RALYL: variants seen among roughly 807,000 people sequenced by gnomAD.
RALYL encodes RNA-binding Raly-like protein.
In RALYL, 29 loss-of-function variants were observed where a neutral mutation model predicts 35.1. The observed-to-expected ratio is 0.83, with a 90% CI of 0.61 to 1.13. The LOEUF (loss-of-function observed/expected upper bound fraction) is 1.13, where lower values mean the gene tolerates loss of function less well. RALYL is among the 50% of genes most tolerant of loss of function. The pLI is 0.00. For synonymous variants in RALYL, 120 were observed against 127.6 expected, an observed-to-expected ratio of 0.94 and a Z score of 0.40; for missense variants, 359 against 360.4, an observed-to-expected ratio of 1.00 and a Z score of 0.03.
At chr8:84,711,336 C>T (rs902201723) in intron 2 of RALYL, among the ~76,000 whole-genome samples, 2 of 152,068 alleles carry the variant, frequency 1.3e-5, no homozygotes, top group East Asian at 3.9e-4. Flanking sequence ...TTCTAAGTGA[C>T]TTGTGCAATA....
intron 1 of RALYL, among the ~76,000 whole-genome samples, chr8:84,216,668 C>A (rs1168988047): frequency 6.6e-6 from 1 of 152,132 alleles, no homozygotes; most frequent in Non-Finnish European, 1.5e-5. Flanking sequence ...ACAGAATTTT[C>A]TTCACTGAGG....
intron 1 of RALYL, among the ~76,000 whole-genome samples, chr8:84,509,698 G>T (rs574225465): frequency 6.6e-6 from 1 of 152,128 alleles, no homozygotes; most frequent in East Asian, 1.9e-4. Flanking sequence ...TTTTATAAAG[G>T]GTGTAAAGTG....
At position 84,396,189 on chromosome 8, in the gene RALYL, T is replaced by A. The variant is rs112672844; in HGVS notation, c.-23-133110T>A. Among the ~76,000 whole-genome samples, 629 of 152,158 alleles carry A rather than the reference T, an allele frequency of 4.1e-3. 2 individuals carry two copies. The highest frequency in any genetic ancestry group is 4.7e-3 in the Non-Finnish European group (317 of 67,920). Reference sequence around the variant, plus strand: ...ATCCAGATTAGGTCCTAGATCAGGATGCTTTTGAATTAACTTGAAATAAGA... The same window carrying A: ...ATCCAGATTAGGTCCTAGATCAGGAAGCTTTTGAATTAACTTGAAATAAGA... On this transcript the variant is annotated intron_variant, in intron 1 of 8. Coordinates refer to ENST00000521268, the MANE Select transcript of RALYL (RefSeq NM_173848.7).
At chr8:84,802,987 A>AGAT (rs987232234) in intron 3 of RALYL, among the ~76,000 whole-genome samples, 5 of 152,020 alleles carry the variant, frequency 3.3e-5, no homozygotes, top group African/African-American at 1.2e-4. Flanking sequence ...GAGAGGAGAA[A>AGAT]GATATAAAAC....
At chr8:84,504,401 T>C (rs911196536) in intron 1 of RALYL, among the ~76,000 whole-genome samples, 1 of 152,126 alleles carries the variant, frequency 6.6e-6, no homozygotes, top group Non-Finnish European at 1.5e-5. Context: ...AATAATAATT[T>C]TGGAATTTAA....
intron 7 of RALYL, among the ~76,000 whole-genome samples, chr8:84,876,772 T>TTAGAC (rs1841233417): frequency 6.6e-6 from 1 of 152,332 alleles, no homozygotes; most frequent in Admixed American, 6.5e-5. Context: ...CATTGGGATG[T>TTAGAC]TAGACTTACG....
chr8:84,300,833 T>G (rs984235326), intron 1 of RALYL, among the ~76,000 whole-genome samples: 6 of 152,024 alleles, frequency 3.9e-5, no homozygotes, highest in African/African-American at 1.2e-4. Context: ...TCTTGTCCCT[T>G]TATTCAACTT....
chr8:84,305,563 C>T (rs1841622960), intron 1 of RALYL, among the ~76,000 whole-genome samples: 1 of 152,140 alleles, frequency 6.6e-6, no homozygotes, highest in South Asian at 2.1e-4. Flanking sequence ...TGTTTTCCAT[C>T]TTTCTTCAAT....
chr8:84,647,021 T>C (rs552235192), intron 2 of RALYL, among the ~76,000 whole-genome samples: 2 of 152,192 alleles, frequency 1.3e-5, no homozygotes, highest in South Asian at 4.1e-4. Flanking sequence ...TTCCTAGTGC[T>C]CCTGGATGTG....
chr8:84,649,579 T>A (rs1182694737), intron 2 of RALYL, among the ~76,000 whole-genome samples: 2 of 152,124 alleles, frequency 1.3e-5, no homozygotes, highest in African/African-American at 2.4e-5. Context: ...TTGTCAAGGA[T>A]CAGATAGTTG....
At chr8:84,878,157 A>C (rs1034481060) in intron 7 of RALYL, among the ~76,000 whole-genome samples, 33 of 152,190 alleles carry the variant, frequency 2.2e-4, no homozygotes, top group African/African-American at 8.0e-4. Context: ...TCCCAACTGC[A>C]CTTTGAAAGA....
intron 3 of RALYL, among the ~76,000 whole-genome samples, chr8:84,803,154 T>C (rs191090343): frequency 1.8e-4 from 27 of 152,336 alleles, no homozygotes; most frequent in Non-Finnish European, 3.1e-4. Context: ...TAATGTCTGA[T>C]AAATGTCAGG....
chr8:84,357,858 G>C (rs1374717738), intron 1 of RALYL, among the ~76,000 whole-genome samples: 2 of 148,904 alleles, frequency 1.3e-5, no homozygotes, highest in South Asian at 4.2e-4. Context: ...CTCAAAAAAT[G>C]GTTAACTGGC....
At chr8:84,224,596 C>A (rs1216975262) in intron 1 of RALYL, among the ~76,000 whole-genome samples, 1 of 151,646 alleles carries the variant, frequency 6.6e-6, no homozygotes, top group Non-Finnish European at 1.5e-5. Context: ...AGTTTATTAC[C>A]AGGTGTTTTT....
In RALYL at chr8:84,399,159, A is replaced by G. The variant is rs75460498; in HGVS notation, c.-23-130140A>G. ...CATTCCCGTTTCCTGCTCTAACACA[A>G]TATCACAAGCAGCAGGAGTTTCATT... On this transcript the variant is annotated intron_variant, in intron 1 of 8. Transcript: ENST00000521268. Among the ~76,000 whole-genome samples the G allele has an allele frequency of 4.1e-3, 628 of 152,318 alleles. 6 individuals carry two copies. The highest frequency in any genetic ancestry group is 0.014 in the African/African-American group (592 of 41,574).
intron 1 of RALYL, among the ~76,000 whole-genome samples, chr8:84,222,063 T>C (rs1206049036): frequency 6.6e-6 from 1 of 152,124 alleles, no homozygotes; most frequent in African/African-American, 2.4e-5. Context: ...AAATTAGCAT[T>C]GCTTAATCAC....
At chr8:84,795,157 A>G (rs1563621008) in intron 3 of RALYL, among the ~76,000 whole-genome samples, 1 of 152,236 alleles carries the variant, frequency 6.6e-6, no homozygotes. Context: ...ACTCCAGAGA[A>G]ATTGATTCTA....
intron 1 of RALYL, among the ~76,000 whole-genome samples, chr8:84,194,181 A>G (rs1169197539): frequency 6.6e-6 from 1 of 152,188 alleles, no homozygotes; most frequent in Non-Finnish European, 1.5e-5. Context: ...TTGAGAAGTT[A>G]AGATATTGTG....
Position 84,746,792 on chromosome 8 carries a change from A to C in RALYL, c.257-27787A>C, listed in dbSNP as rs183369264. ...ACTTAATAATAAAGTCATTTAAAAT[A>C]ATTAATACAATTTACTTAATAACCA... On this transcript the variant is annotated intron_variant, in intron 2 of 8. Transcript: ENST00000521268. Among the ~76,000 whole-genome samples, 3 of 152,068 alleles carry C rather than the reference A, an allele frequency of 2.0e-5. No homozygotes were observed. The East Asian group carries it at 5.8e-4, about 29-fold the overall frequency.
Sources: allele counts gnomAD v4.1 joint callset (sites outside exome capture counted in the v4.1 genomes callset), GRCh38; gene constraint gnomAD v4.1.1; transcripts MANE v1.5; gene names NCBI Gene and HGNC (gene_info 2026-07-23, HGNC 2026-07-21).